Variants in CCBE1 observed in about 807,000 individuals in gnomAD.
CCBE1 encodes collagen and calcium-binding EGF domain-containing protein 1.
CCBE1 carries 37 observed loss-of-function variants against 50.0 expected under a neutral mutation model. The observed-to-expected ratio is 0.74, with a 90% confidence interval of 0.57 to 0.97. The LOEUF (loss-of-function observed/expected upper bound fraction) is 0.97, where lower values mean the gene tolerates loss of function less well. Among genes scored for constraint, CCBE1 ranks in the 50% least tolerant of loss-of-function variants. CCBE1 has a pLI of 0.00. For missense variants in CCBE1, 538 were observed against 523.8 expected (o/e 1.03, Z -0.26); for synonymous variants, 234 against 203.7 (o/e 1.15, Z -1.27).
At chr18:59,596,756 G>C (rs142156595) in intron 2 of CCBE1, among the ~76,000 whole-genome samples, 1 of 152,274 alleles carries the variant, frequency 6.6e-6, no homozygotes, top group African/African-American at 2.4e-5. Flanking sequence ...ACTGTGACCC[G>C]ACCATCAATG....
chr18:59,447,960 C>T, intron 7 of CCBE1, 23 bp downstream of exon 7: 1 of 1,613,928 alleles, frequency 6.2e-7, no homozygotes, highest in South Asian at 1.1e-5. Context: ...TGATCACCCT[C>T]CTGTGCCCTC....
intron 5 of CCBE1, chr18:59,455,206 C>A: frequency 3.5e-6 from 2 of 568,676 alleles, no homozygotes; most frequent in Non-Finnish European, 6.4e-6. Flanking sequence ...CCAGGAAGAC[C>A]CTGATCTTCC....
intron 2 of CCBE1, among the ~76,000 whole-genome samples, chr18:59,504,050 G>A (rs1253569558): frequency 3.3e-5 from 5 of 152,170 alleles, no homozygotes; most frequent in East Asian, 1.9e-4. Context: ...GAAAGTGAGC[G>A]CTGAATGTGT....
intron 2 of CCBE1, among the ~76,000 whole-genome samples, chr18:59,483,332 C>T (rs971400121): frequency 6.6e-6 from 1 of 152,132 alleles, no homozygotes; most frequent in Non-Finnish European, 1.5e-5. Flanking sequence ...ATCTGAAATA[C>T]TTGGGACTAG....
chr18:59,612,374 G>A (rs964009103), intron 2 of CCBE1, among the ~76,000 whole-genome samples: 13 of 151,340 alleles, frequency 8.6e-5, no homozygotes, highest in African/African-American at 2.9e-4. Context: ...CAGTGTTGTG[G>A]TGGCAGCTTA....
chr18:59,571,621 T>A (rs990035329), intron 2 of CCBE1, among the ~76,000 whole-genome samples: 1 of 152,144 alleles, frequency 6.6e-6, no homozygotes, highest in Non-Finnish European at 1.5e-5. Context: ...ACTTAAAGTA[T>A]CATTAAAAAA....
intron 2 of CCBE1, among the ~76,000 whole-genome samples, chr18:59,671,234 C>T (rs952416321): frequency 2.0e-5 from 3 of 152,086 alleles, no homozygotes; most frequent in Non-Finnish European, 2.9e-5. Flanking sequence ...TGTGGTGGCT[C>T]ATACCTGTAA....
chr18:59,655,301 A>C (rs1348683142), intron 2 of CCBE1, among the ~76,000 whole-genome samples: 1 of 152,190 alleles, frequency 6.6e-6, no homozygotes, highest in Non-Finnish European at 1.5e-5. Flanking sequence ...GAATCCAAGG[A>C]CCAAGTCCAT....
chr18:59,646,753 C>T (rs1376267290), intron 2 of CCBE1, among the ~76,000 whole-genome samples: 3 of 152,200 alleles, frequency 2.0e-5, no homozygotes, highest in Non-Finnish European at 4.4e-5. Context: ...CGGTACTTCC[C>T]GATGAGATCT....
At position 59,672,257 on chromosome 18, in the gene CCBE1, C is replaced by A. The variant is rs143208359; in HGVS notation, c.212+24372G>T. Among the ~76,000 whole-genome samples the A allele has an allele frequency of 9.5e-4, 144 of 152,286 alleles. 1 individual carries two copies. In the South Asian group the frequency reaches 0.02, roughly 21 times the overall value. Reference sequence around the variant, plus strand: ...GGGTGGAGACCACCAGTGCAGATGACAGTGGTAGATGGTAACTTGCCTGCA... The same window carrying A: ...GGGTGGAGACCACCAGTGCAGATGAAAGTGGTAGATGGTAACTTGCCTGCA... On this transcript the variant is annotated intron_variant, in intron 2 of 10. Coordinates refer to ENST00000439986, the MANE Select transcript of CCBE1 (RefSeq NM_133459.4).
chr18:59,637,173 CA>C (rs1313422407), intron 2 of CCBE1, among the ~76,000 whole-genome samples: 6 of 152,174 alleles, frequency 3.9e-5, no homozygotes, highest in African/African-American at 1.4e-4. Flanking sequence ...TTTATACAAA[CA>C]ATTATAAATC....
intron 2 of CCBE1, among the ~76,000 whole-genome samples, chr18:59,590,184 G>T (rs141467218): frequency 1.3e-5 from 2 of 152,168 alleles, no homozygotes; most frequent in African/African-American, 4.8e-5. Flanking sequence ...ATCAATTAGA[G>T]GCATAAGAAT....
At chr18:59,488,888 C>A (rs1912956018) in intron 2 of CCBE1, among the ~76,000 whole-genome samples, 1 of 151,460 alleles carries the variant, frequency 6.6e-6, no homozygotes, top group South Asian at 2.1e-4. Flanking sequence ...CCCCACCGAG[C>A]CCACCTGAAA....
At chr18:59,546,095 C>G (rs1915670823) in intron 2 of CCBE1, among the ~76,000 whole-genome samples, 1 of 152,158 alleles carries the variant, frequency 6.6e-6, no homozygotes, top group Non-Finnish European at 1.5e-5. Context: ...AAGGGTCAAT[C>G]TATTCTCTCA....
At chr18:59,551,035 G>GAAAAGAAAAGAAAAA (rs1915909223) in intron 2 of CCBE1, among the ~76,000 whole-genome samples, 1 of 100,490 alleles carries the variant, frequency 1.0e-5, no homozygotes, top group Admixed American at 1.0e-4. Context: ...AAAAAGAAAA[G>GAAAAGAAAAGAAAAA]AAAAGAAAAG....
intron 2 of CCBE1, among the ~76,000 whole-genome samples, chr18:59,670,534 A>C (rs1473363183): frequency 6.6e-6 from 1 of 152,208 alleles, no homozygotes; most frequent in Non-Finnish European, 1.5e-5. Flanking sequence ...AGGACGGCCC[A>C]TTGCTTATAC....
At chr18:59,596,094 A>C (rs912301782) in intron 2 of CCBE1, among the ~76,000 whole-genome samples, 1 of 152,248 alleles carries the variant, frequency 6.6e-6, no homozygotes, top group Non-Finnish European at 1.5e-5. Flanking sequence ...ACAAATGGCT[A>C]AAGAATGCAG....
At chr18:59,680,445 T>A (rs1459394921) in intron 2 of CCBE1, among the ~76,000 whole-genome samples, 1 of 152,020 alleles carries the variant, frequency 6.6e-6, no homozygotes, top group East Asian at 1.9e-4. Context: ...TTGCATGTAA[T>A]CCCAGCACTT....
chr18:59,697,231 CCT>C lies in CCBE1; in HGVS notation c.110_111del (p.Glu37GlyfsTer19). 6.5e-7 allele frequency: 1 copy of C among 1,549,078 alleles called. No homozygotes were observed. Among genetic ancestry groups the C allele is most frequent in the Non-Finnish European group, 8.7e-7 (1 of 1,146,724 alleles). ...LALGHTWTYREEPEDGDREIC... is the reference protein window; with the variant it reads ...LALGHTWTYRXEPEDGDREIC... ...GCTTACCTGTCGCCGTCCTCCGGCT[CCT>C]CTCTGTAGGTCCACGTGTGTCCCAA... is the stretch of plus-strand genomic sequence containing the variant. On this transcript the variant is annotated frameshift_variant, in exon 1 of 11. Transcript: ENST00000439986. LOFTEE classifies it high-confidence loss of function.
Sources: allele counts gnomAD v4.1 joint callset (sites outside exome capture counted in the v4.1 genomes callset), GRCh38; gene constraint gnomAD v4.1.1; transcripts MANE v1.5; gene names NCBI Gene and HGNC (gene_info 2026-07-23, HGNC 2026-07-21).